The following TTC34 variants were observed in gnomAD, a reference collection of about 807,000 sequenced individuals.
TTC34 encodes tetratricopeptide repeat protein 34.
A neutral mutation model predicts 40.7 loss-of-function variants in TTC34; 44 were observed. The ratio of observed to expected loss-of-function variants is 1.08; its 90% CI spans 0.85 to 1.39. The LOEUF (loss-of-function observed/expected upper bound fraction) is 1.39, where lower values mean the gene tolerates loss of function less well. Among genes scored for constraint, TTC34 ranks in the 40% most tolerant of loss-of-function variants. The pLI, the probability that TTC34 is intolerant of heterozygous loss-of-function variation, is 0.00. For missense variants in TTC34, 884 were observed against 838.0 expected, an observed-to-expected ratio of 1.05 and a Z score of -0.68; for synonymous variants, 422 against 398.6, an observed-to-expected ratio of 1.06 and a Z score of -0.70.
intron 6 of TTC34, among the ~76,000 whole-genome samples, chr1:2,687,314 A>T (rs1570817379): frequency 1.0e-5 from 1 of 95,470 alleles, no homozygotes; most frequent in East Asian, 3.9e-4. Context: ...ATCGTGGAAC[A>T]GCACCCCAAA....
At chr1:2,671,851 T>G (rs1570781524) in intron 6 of TTC34, among the ~76,000 whole-genome samples, 7 of 121,136 alleles carry the variant, frequency 5.8e-5, no homozygotes, top group East Asian at 5.2e-4. Flanking sequence ...GCATCTGAAC[T>G]CATGGAGCAG....
intron 6 of TTC34, among the ~76,000 whole-genome samples, chr1:2,749,095 T>A (rs1569684888): frequency 9.0e-4 from 111 of 123,200 alleles, no homozygotes; most frequent in South Asian, 2.3e-3. Context: ...CAGGCGAGCA[T>A]CCGACAGCCT....
intron 8 of TTC34, among the ~76,000 whole-genome samples, chr1:2,642,721 G>C (rs1241551670): frequency 6.6e-6 from 1 of 152,236 alleles, no homozygotes; most frequent in Admixed American, 6.5e-5. Flanking sequence ...TCTTCCAGCA[G>C]CCCGGCGGTC....
intron 6 of TTC34, among the ~76,000 whole-genome samples, chr1:2,680,691 A>T (rs1570797675): frequency 1.1e-5 from 1 of 93,340 alleles, no homozygotes; most frequent in Admixed American, 1.1e-4. Context: ...AGCCTGGAAC[A>T]GCACCCTGCA....
chr1:2,753,658 C>A (rs1168848852), intron 6 of TTC34, among the ~76,000 whole-genome samples: 14 of 105,784 alleles, frequency 1.3e-4, no homozygotes, highest in African/African-American at 7.0e-4. Context: ...GCACCCACAC[C>A]CCAGGTGAGC....
chr1:2,688,186 C>G (rs1417927036), intron 6 of TTC34, among the ~76,000 whole-genome samples: 3 of 145,690 alleles, frequency 2.1e-5, no homozygotes, highest in Admixed American at 6.8e-5. Context: ...GAGCATCGGA[C>G]AGCCTGGAGC....
chr1:2,781,470 G>C (rs936582143), intron 6 of TTC34, among the ~76,000 whole-genome samples: 2 of 152,084 alleles, frequency 1.3e-5, no homozygotes, highest in Admixed American at 1.3e-4. Flanking sequence ...TATAAGATCT[G>C]TGAACAGAGA....
chr1:2,769,539 C>T (rs1477908871), intron 6 of TTC34, among the ~76,000 whole-genome samples: 1 of 114,552 alleles, frequency 8.7e-6, no homozygotes, highest in Admixed American at 8.9e-5. Flanking sequence ...CCTGGAGCAG[C>T]ACCCCACACC....
chr1:2,685,868 A>T (rs1640313877), intron 6 of TTC34, among the ~76,000 whole-genome samples: 1 of 149,726 alleles, frequency 6.7e-6, no homozygotes, highest in South Asian at 2.1e-4. Context: ...AGCCTGGAAC[A>T]GCACCCTGCA....
chr1:2,686,582 G>C (rs558954779), intron 6 of TTC34, among the ~76,000 whole-genome samples: 11 of 135,078 alleles, frequency 8.1e-5, no homozygotes, highest in East Asian at 2.2e-4. Flanking sequence ...GCATCTGACC[G>C]CCTGGAACAG....
At chr1:2,748,198 A>T (rs1176372935) in intron 6 of TTC34, among the ~76,000 whole-genome samples, 1 of 56,624 alleles carries the variant, frequency 1.8e-5, no homozygotes, top group Non-Finnish European at 3.1e-5. Context: ...CAGAACCCAG[A>T]ACCCCAGGCG....
intron 3 of TTC34, among the ~76,000 whole-genome samples, chr1:2,789,242 C>T (rs1044318708): frequency 3.9e-5 from 6 of 152,182 alleles, no homozygotes; most frequent in African/African-American, 1.4e-4. Flanking sequence ...ACAGCATGTC[C>T]AGCACAGACT....
At chr1:2,691,637 C>G (rs553703401) in intron 6 of TTC34, among the ~76,000 whole-genome samples, 8 of 90,860 alleles carry the variant, frequency 8.8e-5, no homozygotes, top group South Asian at 3.4e-4. Context: ...CAGGTGCGCA[C>G]GTGACAGCCT....
At chr1:2,639,450 C>G (rs908474822) in exon 9 of TTC34, 2 of 152,460 alleles carry the variant, frequency 1.3e-5, no homozygotes, top group Non-Finnish European at 2.9e-5. Context: ...CACCTGGCCC[C>G]GACATTGGAG....
At chr1:2,642,072 C>G (rs1257650354) in intron 8 of TTC34, among the ~76,000 whole-genome samples, 177 bp from the exon 9 acceptor site, 1 of 152,122 alleles carries the variant, frequency 6.6e-6, no homozygotes, top group Non-Finnish European at 1.5e-5. Flanking sequence ...TGACCATGGG[C>G]AAGGGCAGGA....
At chr1:2,753,069 C>A (rs1641378129) in intron 6 of TTC34, among the ~76,000 whole-genome samples, 1 of 124,522 alleles carries the variant, frequency 8.0e-6, no homozygotes, top group Non-Finnish European at 1.7e-5. Context: ...AGGTGAGCAT[C>A]TGACAGCCTG....
At chr1:2,695,225 G>GCACCCT (rs1640807497) in intron 6 of TTC34, among the ~76,000 whole-genome samples, 1 of 77,792 alleles carries the variant, frequency 1.3e-5, no homozygotes. Context: ...GCCTGGAATA[G>GCACCCT]GTCCCTGCAC....
intron 6 of TTC34, among the ~76,000 whole-genome samples, chr1:2,655,595 C>T: frequency 6.7e-6 from 1 of 150,072 alleles, no homozygotes; most frequent in Admixed American, 6.7e-5. Context: ...ATCTGACAGC[C>T]TGGAACAGCA....
chr1:2,698,567 C>A lies in TTC34; in HGVS notation c.2227-53004G>T, dbSNP rs1383088518. Among the ~76,000 whole-genome samples, 125 of 104,536 alleles carry A rather than the reference C, an allele frequency of 1.2e-3. No individual in the cohort carries two copies. The East Asian group carries it at 0.027, about 22-fold the overall frequency. 68.6% of individuals were successfully genotyped at this position (104,536 alleles called of 152,430 possible). On this transcript the variant is annotated intron_variant, in intron 6 of 8. Transcript: ENST00000401095. ...CGGGCAGCCTGGAGCAGCACCCACACCCCCAGATGAGCATCTGACAGCCTG... is the reference window on the plus strand; with the variant it reads ...CGGGCAGCCTGGAGCAGCACCCACAACCCCAGATGAGCATCTGACAGCCTG...
Sources: allele counts gnomAD v4.1 joint callset (sites outside exome capture counted in the v4.1 genomes callset), GRCh38; gene constraint gnomAD v4.1.1; transcripts MANE v1.5; gene names NCBI Gene and HGNC (gene_info 2026-07-23, HGNC 2026-07-21).